ZNF407: variants seen among roughly 807,000 people sequenced by gnomAD.
ZNF407 encodes zinc finger protein 407.
ZNF407 carries 17 observed loss-of-function variants against 131.2 expected under a neutral mutation model. That is an observed-to-expected ratio of 0.13 (90% CI 0.09 to 0.19). The LOEUF (loss-of-function observed/expected upper bound fraction) is 0.19, where lower values mean the gene tolerates loss of function less well. ZNF407 is among the 10% of genes least tolerant of loss of function. ZNF407 has a pLI of 1.00. For missense variants in ZNF407, 2,681 were observed against 2,830.6 expected (o/e 0.95, Z 1.20); for synonymous variants, 1,156 against 1,062.0 (o/e 1.09, Z -1.72).
chr18:74,717,996 A>G (rs777652336), intron 3 of ZNF407, among the ~76,000 whole-genome samples: 11 of 152,142 alleles, frequency 7.2e-5, no homozygotes, highest in Non-Finnish European at 1.5e-4. Context: ...TGGTGGATAA[A>G]GCTAATTTAT....
intron 8 of ZNF407, among the ~76,000 whole-genome samples, chr18:75,056,942 G>A (rs926522631): frequency 6.6e-6 from 1 of 152,098 alleles, no homozygotes; most frequent in Non-Finnish European, 1.5e-5. Flanking sequence ...TAGACATTAA[G>A]TATGATTTCT....
At chr18:75,037,885 TA>T (rs1973328271) in intron 8 of ZNF407, among the ~76,000 whole-genome samples, 1 of 152,214 alleles carries the variant, frequency 6.6e-6, no homozygotes, top group Non-Finnish European at 1.5e-5. Flanking sequence ...TCTTCCCTGG[TA>T]ATTGATAATC....
chr18:74,717,549 C>T (rs1456420678), intron 3 of ZNF407, among the ~76,000 whole-genome samples: 1 of 152,108 alleles, frequency 6.6e-6, no homozygotes, highest in Admixed American at 6.6e-5. Context: ...TTTCGATAGC[C>T]ATAGGTAAAC....
chr18:75,058,686 G>A (rs1296191573), intron 8 of ZNF407, among the ~76,000 whole-genome samples: 3 of 152,254 alleles, frequency 2.0e-5, no homozygotes, highest in African/African-American at 4.8e-5. Flanking sequence ...TTTCCCAAAC[G>A]CTGTATCCAT....
intron 8 of ZNF407, among the ~76,000 whole-genome samples, chr18:74,980,223 C>T (rs963875538): frequency 2.0e-5 from 3 of 150,252 alleles, no homozygotes; most frequent in East Asian, 3.9e-4. Context: ...AAACGGAAGA[C>T]GAGTTGACAT....
intron 4 of ZNF407, among the ~76,000 whole-genome samples, chr18:74,870,644 T>G (rs1010966525): frequency 6.6e-6 from 1 of 152,174 alleles, no homozygotes; most frequent in African/African-American, 2.4e-5. Flanking sequence ...GTAACTTCAT[T>G]CATTGAGCAA....
At chr18:74,835,629 G>GTGT (rs1555693408) in intron 4 of ZNF407, among the ~76,000 whole-genome samples, 1,503 of 92,182 alleles carry the variant, frequency 0.016, 20 homozygotes, top group South Asian at 0.037. Context: ...GACAGAGGGG[G>GTGT]GTGTGTGTGT....
At chr18:74,853,351 C>G (rs1381003192) in intron 4 of ZNF407, among the ~76,000 whole-genome samples, 1 of 152,138 alleles carries the variant, frequency 6.6e-6, no homozygotes, top group Non-Finnish European at 1.5e-5. Flanking sequence ...AACCAAGTTT[C>G]TTAGGAGGAG....
rs1303954376 is a variant in ZNF407, at chr18:75,063,490, C to T, written c.5769C>T (p.Ser1923=). ...GTCAGAGCGGGGCACATGTAGGCAG[C>T]GTGGTGCCCGGACCCATCCTCCCCG... The part of the protein sequence containing the change: ...ATSQSGAHVG[S]VVPGPILPEQ... The change falls in exon 9 of 9, where the codon AGC becomes AGT. Residue 1923 remains serine, a synonymous_variant. Coordinates refer to ENST00000299687, the MANE Select transcript of ZNF407 (RefSeq NM_017757.3). The surrounding 1 kb of genome is among the most constrained non-coding windows in gnomAD (Gnocchi z 6.6). The T allele has an allele frequency of 3.8e-6, 6 of 1,595,668 alleles. No homozygotes were observed. The highest frequency in any genetic ancestry group is 2.3e-5 in the East Asian group (1 of 43,800).
At chr18:74,956,630 G>A (rs1349724404) in intron 8 of ZNF407, among the ~76,000 whole-genome samples, 2 of 152,158 alleles carry the variant, frequency 1.3e-5, no homozygotes, top group South Asian at 2.1e-4. Context: ...GTGTCGTGAT[G>A]TGATGAAGGG....
chr18:74,872,428 A>G (rs964929036), intron 4 of ZNF407, among the ~76,000 whole-genome samples: 2 of 151,922 alleles, frequency 1.3e-5, no homozygotes, highest in African/African-American at 4.8e-5. Flanking sequence ...TTGTTTGTCT[A>G]CTCACAACCT....
intron 8 of ZNF407, among the ~76,000 whole-genome samples, chr18:75,003,636 C>T (rs750030063): frequency 9.9e-5 from 15 of 152,248 alleles, no homozygotes; most frequent in Middle Eastern, 6.8e-3. Flanking sequence ...TTTTACGTGT[C>T]AAGATCAACG....
chr18:74,888,264 A>T (rs1971337762), intron 6 of ZNF407, among the ~76,000 whole-genome samples: 1 of 152,132 alleles, frequency 6.6e-6, no homozygotes, highest in African/African-American at 2.4e-5. Context: ...GGAGTGAGGT[A>T]TTCTCTAAAT....
intron 7 of ZNF407, among the ~76,000 whole-genome samples, chr18:74,919,247 A>G (rs563581594): frequency 6.6e-6 from 1 of 152,292 alleles, no homozygotes; most frequent in African/African-American, 2.4e-5. Context: ...TGTGTGAGAG[A>G]TAACAGTTAT....
Position 74,953,209 on chromosome 18 carries a change from G to A in ZNF407, c.5428+32517G>A, listed in dbSNP as rs149371072. On this transcript the variant is annotated intron_variant, in intron 8 of 8. Transcript: ENST00000299687. The stretch of plus-strand genomic sequence containing the variant: ...GGTAGTGGAGGTGATGAAAATGGTT[G>A]GATTCAGGATGTCCTTGTCAAGGGG... 4.4e-3 allele frequency among the ~76,000 whole-genome samples: 664 copies of A among 152,260 alleles called. 5 individuals are homozygous for A. Among genetic ancestry groups the A allele is most frequent in the African/African-American group, 0.015 (610 of 41,552 alleles).
rs1441210565 is a variant in ZNF407, at chr18:74,633,445, C to G, written c.2426C>G (p.Ser809Cys). The G allele has an allele frequency of 1.2e-6, 2 of 1,613,924 alleles. No homozygotes were observed. Among genetic ancestry groups the G allele is most frequent in the Admixed American group, 3.3e-5 (2 of 60,022 alleles). ...ATAGGTGTGCAATTACAAGAGCATT[C>G]CTATCTTGAGAAGGGCATGCTGGCG... ...GHIGVQLQEH[S>C]YLEKGMLASE... The change falls in exon 2 of 9, where the codon TCC becomes TGC. Residue 809 changes from serine (S) to cysteine (C), a missense_variant. Ser to Cys is a moderately radical substitution (Grantham distance 112, BLOSUM62 -1). Coordinates refer to ENST00000299687, the MANE Select transcript of ZNF407 (RefSeq NM_017757.3).
intron 7 of ZNF407, among the ~76,000 whole-genome samples, chr18:74,903,688 C>T (rs1444122890): frequency 1.3e-5 from 2 of 151,990 alleles, no homozygotes; most frequent in Admixed American, 6.6e-5. Flanking sequence ...ATGAAGAGTT[C>T]GGGGGTCTAT....
In ZNF407 at chr18:74,929,534, C is replaced by A. The variant is rs116752006; in HGVS notation, c.5428+8842C>A. 4.6e-3 allele frequency among the ~76,000 whole-genome samples: 701 copies of A among 152,220 alleles called. 7 individuals carry two copies. Among genetic ancestry groups the A allele is most frequent in the African/African-American group, 0.016 (650 of 41,534 alleles). ...TATCAGGTAATTGATGTGGTTTTTA[C>A]TTTTATATAGACTTTTTATCAACTA... On this transcript the variant is annotated intron_variant, in intron 8 of 8. Transcript: ENST00000299687.
chr18:74,910,884 TCTCTGA>T (rs1402584702), intron 7 of ZNF407, among the ~76,000 whole-genome samples: 3 of 144,134 alleles, frequency 2.1e-5, no homozygotes, highest in African/African-American at 8.8e-5. Context: ...CTGCAGGTGT[TCTCTGA>T]CTCCTTCCCG....
Sources: allele counts gnomAD v4.1 joint callset (sites outside exome capture counted in the v4.1 genomes callset), GRCh38; gene constraint gnomAD v4.1.1; non-coding constraint Gnocchi (gnomAD v3.1); transcripts MANE v1.5; gene names NCBI Gene and HGNC (gene_info 2026-07-23, HGNC 2026-07-21).